DLEC1: variants seen among roughly 807,000 people sequenced by gnomAD.
DLEC1 encodes the protein DLEC1 cilia and flagella associated protein.
DLEC1 carries 146 observed loss-of-function variants against 198.1 expected under a neutral mutation model. That is an observed-to-expected ratio of 0.74 (90% confidence interval 0.64 to 0.85). The LOEUF is 0.85. Among genes scored for constraint, DLEC1 ranks in the 40% least tolerant of loss-of-function variants. The probability of loss-of-function intolerance (pLI) is 0.00; values close to 1 mark genes in which losing one functional copy is unlikely to be tolerated. For synonymous variants in DLEC1, 897 were observed against 866.8 expected (o/e 1.03, Z -0.61); for missense variants, 2,233 against 2,220.0 (o/e 1.01, Z -0.12).
chr3:38,083,830 A>T (rs1366518593), intron 6 of DLEC1, among the ~76,000 whole-genome samples: 1 of 150,380 alleles, frequency 6.6e-6, no homozygotes, highest in African/African-American at 2.5e-5. Context: ...GAGTCTCTTC[A>T]TGTTGTCCAG....
At chr3:38,073,682 G>A (rs929553029) in intron 6 of DLEC1, among the ~76,000 whole-genome samples, 1 of 152,206 alleles carries the variant, frequency 6.6e-6, no homozygotes, top group African/African-American at 2.4e-5. Flanking sequence ...GCATAAAAGA[G>A]TGTTGCCCAA....
At chr3:38,040,191 G>C (rs1014470385) in intron 1 of DLEC1, among the ~76,000 whole-genome samples, 1 of 152,140 alleles carries the variant, frequency 6.6e-6, no homozygotes, top group Non-Finnish European at 1.5e-5. Context: ...TCCCATACCC[G>C]ATCCTTTACC....
At chr3:38,076,047 C>T (rs574849426) in intron 6 of DLEC1, among the ~76,000 whole-genome samples, 16 of 152,224 alleles carry the variant, frequency 1.1e-4, no homozygotes, top group Non-Finnish European at 2.1e-4. Flanking sequence ...AGTCTGTGAC[C>T]GGCACCGGAG....
chr3:38,056,616 A>G (rs539286472), intron 2 of DLEC1, among the ~76,000 whole-genome samples: 2 of 152,300 alleles, frequency 1.3e-5, no homozygotes, highest in East Asian at 3.9e-4. Context: ...GGCCAACTAC[A>G]TTAAATTTTA....
chr3:38,064,939 C>T (rs1445694647), intron 6 of DLEC1, among the ~76,000 whole-genome samples: 3 of 152,122 alleles, frequency 2.0e-5, no homozygotes, highest in South Asian at 2.1e-4. Context: ...GATGGGGTGG[C>T]GGCCGGGCAG....
chr3:38,088,149 G>T, intron 9 of DLEC1, 147 bp from the exon 10 acceptor site: 1 of 671,932 alleles, frequency 1.5e-6, no homozygotes, highest in Non-Finnish European at 2.6e-6. Context: ...GAATGAATAA[G>T]CCTCAGTTTT....
intron 18 of DLEC1, 68 bp from the exon 19 acceptor site, chr3:38,100,218 C>G: frequency 1.3e-6 from 2 of 1,508,120 alleles, no homozygotes; most frequent in Non-Finnish European, 1.8e-6. Context: ...TAGGCATGGC[C>G]AGCCCCCAGT....
intron 6 of DLEC1, among the ~76,000 whole-genome samples, chr3:38,075,618 T>G: frequency 2.1e-5 from 3 of 145,062 alleles, no homozygotes; most frequent in Admixed American, 6.9e-5. Context: ...GGTCGGGGCG[T>G]GGAAATAAGG....
Position 38,062,650 on chromosome 3 carries a change from C to T in DLEC1, c.943C>T (p.Leu315Phe). The stretch of plus-strand genomic sequence containing the variant: ...TGTGCCACAGAGAGAGCTAGACAGA[C>T]TTCTGCTTGCCAGAATGGAGAGTCG... The part of the protein sequence containing the change: ...LRVPQRELDR[L>F]LLARMESRNH... Residue 315 changes from leucine to phenylalanine, a missense_variant, in exon 5 of 37, where the codon CTT (leucine) becomes TTT (phenylalanine). Physicochemically the swap from Leu to Phe is conservative, Grantham distance 22. Transcript: ENST00000308059. The T allele has an allele frequency of 1.2e-6, 2 of 1,614,166 alleles. No homozygotes were observed. The highest frequency in any genetic ancestry group is 8.5e-7 in the Non-Finnish European group (1 of 1,180,038).
intron 6 of DLEC1, among the ~76,000 whole-genome samples, chr3:38,077,623 G>A (rs1697701738): frequency 6.6e-6 from 1 of 152,160 alleles, no homozygotes; most frequent in South Asian, 2.1e-4. Context: ...TTGTATAGAG[G>A]TGGGAAGGCT....
At chr3:38,076,901 T>C (rs1697656047) in intron 6 of DLEC1, among the ~76,000 whole-genome samples, 1 of 152,126 alleles carries the variant, frequency 6.6e-6, no homozygotes, top group South Asian at 2.1e-4. Flanking sequence ...GTGGGAGAGA[T>C]TAAGCTGAAG....
intron 2 of DLEC1, among the ~76,000 whole-genome samples, chr3:38,048,563 C>G (rs777633916): frequency 5.3e-5 from 8 of 152,230 alleles, no homozygotes; most frequent in Non-Finnish European, 1.0e-4. Context: ...TTCTTTCTAT[C>G]TTACAGGTGT....
intron 21 of DLEC1, 55 bp downstream of exon 21, chr3:38,108,570 C>A (rs1041679142): frequency 2.1e-6 from 3 of 1,402,470 alleles, no homozygotes; most frequent in African/African-American, 1.4e-5. Flanking sequence ...GCCAACCATA[C>A]GCACCTGTGC....
chr3:38,059,709 A>G lies in DLEC1; in HGVS notation c.563-33A>G, dbSNP rs761787138. The stretch of plus-strand genomic sequence containing the variant: ...GGTTCTTCAAAGTCAGTCTGGCTGG[A>G]AACACCTTGTTCTCCCCTTCCCTTC... On this transcript the variant is annotated intron_variant, in intron 2 of 36. Transcript: ENST00000308059. The G allele has an allele frequency of 2.5e-6, 4 of 1,587,500 alleles. No homozygotes were observed. The African/African-American group carries it at 4.0e-5, about 16-fold the overall frequency.
chr3:38,099,096 T>A (rs936046208), intron 18 of DLEC1, among the ~76,000 whole-genome samples: 1 of 152,072 alleles, frequency 6.6e-6, no homozygotes, highest in East Asian at 1.9e-4. Context: ...GCCCAGAACA[T>A]AGAATAAACT....
At chr3:38,111,578 C>T in intron 23 of DLEC1, 99 bp from the exon 24 acceptor site, 1 of 1,328,400 alleles carries the variant, frequency 7.5e-7, no homozygotes, top group Non-Finnish European at 1.0e-6. Context: ...CCTTCCTCTG[C>T]TGGGCACCTG....
intron 11 of DLEC1, 23 bp downstream of exon 11, chr3:38,092,903 G>C: frequency 6.2e-7 from 1 of 1,612,910 alleles, no homozygotes; most frequent in Non-Finnish European, 8.5e-7. Context: ...GTACTCCCAG[G>C]GGCAAGGCTG....
In DLEC1 at chr3:38,118,040, T is replaced by G. The variant is rs376498747; in HGVS notation, c.4704+16T>G. On this transcript the variant is annotated intron_variant, in intron 33 of 36. Coordinates refer to ENST00000308059, the MANE Select transcript of DLEC1 (RefSeq NM_007335.4). The stretch of plus-strand genomic sequence containing the variant: ...GAACATGCTGGTCAGTGGGGGAGTC[T>G]GCAGCCCTTGCCTCGATGGCACACC... 4.1e-5 allele frequency: 65 copies of G among 1,575,248 alleles called. No individual in the cohort carries two copies. In the African/African-American group the frequency reaches 7.9e-4, roughly 19 times the overall value.
At chr3:38,104,590 C>A (rs1421437170) in intron 19 of DLEC1, among the ~76,000 whole-genome samples, 1 of 151,330 alleles carries the variant, frequency 6.6e-6, no homozygotes, top group Non-Finnish European at 1.5e-5. Context: ...TAGTGGTATT[C>A]TCTGATAATT....
Sources: gnomAD v4.1 joint callset for allele counts (sites outside exome capture counted in the v4.1 genomes callset) on GRCh38, gnomAD v4.1.1 for gene constraint, MANE v1.5 for transcripts, NCBI Gene and HGNC (gene_info 2026-07-23, HGNC 2026-07-21) for gene names.